The following ZMAT5 variants were observed in gnomAD, a reference collection of about 807,000 sequenced individuals.
ZMAT5 encodes the protein zinc finger matrin-type protein 5.
A neutral mutation model predicts 28.0 loss-of-function variants in ZMAT5; 23 were observed. The observed-to-expected ratio is 0.82, with a 90% confidence interval of 0.59 to 1.16. ZMAT5 has a LOEUF of 1.16. Ranked by LOEUF, ZMAT5 falls within the 50% of genes most tolerant of loss-of-function variation. The probability of loss-of-function intolerance (pLI) is 0.00; values close to 1 mark genes in which losing one functional copy is unlikely to be tolerated. For synonymous variants in ZMAT5, 76 were observed against 84.1 expected (o/e 0.90, Z 0.52); for missense variants, 173 against 212.7 (o/e 0.81, Z 1.16).
intron 1 of ZMAT5, among the ~76,000 whole-genome samples, chr22:29,757,232 G>A (rs1601729101): frequency 2.8e-5 from 4 of 140,364 alleles, no homozygotes; most frequent in Admixed American, 7.1e-5. Flanking sequence ...AAAAAAAAAA[G>A]GACTTCACAG....
intron 1 of ZMAT5, among the ~76,000 whole-genome samples, chr22:29,764,306 T>A (rs1401494217): frequency 6.6e-6 from 1 of 152,342 alleles, no homozygotes; most frequent in East Asian, 1.9e-4. Flanking sequence ...AACTTCCTGC[T>A]CTGAGGGGCT....
intron 1 of ZMAT5, among the ~76,000 whole-genome samples, chr22:29,761,600 T>C (rs131284): frequency 0.53 from 79,919 of 151,830 alleles, 21,367 homozygotes; most frequent in East Asian, 0.62. Context: ...CTCAGAACAA[T>C]CCTACTGGGA....
rs1258558688 is a variant in ZMAT5 at position 29,742,425 on chromosome 22, T to G, written c.183A>C (p.Leu61=). 3.7e-6 allele frequency: 6 copies of G among 1,613,190 alleles called. No homozygotes were observed. The highest frequency in any genetic ancestry group is 5.1e-6 in the Non-Finnish European group (6 of 1,179,856). The part of the protein sequence containing the change: ...EQNKRPCRKF[L]LTGQCDFGSN... ...CTGTGCAGAGGACTTTACCTGTCAG[T>G]AGAAACTTCCTGCAGGGCCGCTTGT... Residue 61 remains leucine (L), a synonymous_variant, in exon 3 of 6, where the codon CTA becomes CTC. Transcript: ENST00000344318.
At chr22:29,736,751 G>A (rs1335601833) in intron 5 of ZMAT5, among the ~76,000 whole-genome samples, 3 of 149,662 alleles carry the variant, frequency 2.0e-5, no homozygotes, top group Non-Finnish European at 4.4e-5. Flanking sequence ...AAGGCTGGGC[G>A]CGGTGGCTGA....
chr22:29,731,334 G>C lies in ZMAT5; in HGVS notation c.404C>G (p.Thr135Ser). The change falls in exon 6 of 6, where the codon ACT (threonine) becomes AGT (serine). Residue 135 changes from threonine (T) to serine (S), a missense_variant. Coordinates refer to ENST00000344318, the MANE Select transcript of ZMAT5 (RefSeq NM_001003692.2). ...PSSRAEPIRT[T>S]VFQYPVGWPP... ...CCAGCCCACGGGGTACTGGAAGACA[G>C]TGGTTCTGATGGGTTCAGCCCTAGA... 1 of 1,540,274 alleles carries C rather than the reference G, an allele frequency of 6.5e-7. No homozygotes were observed. Among genetic ancestry groups the C allele is most frequent in the Non-Finnish European group, 8.7e-7 (1 of 1,153,334 alleles).
chr22:29,752,724 T>G (rs977507032), intron 1 of ZMAT5, among the ~76,000 whole-genome samples: 8 of 152,108 alleles, frequency 5.3e-5, no homozygotes, highest in Non-Finnish European at 1.2e-4. Flanking sequence ...TTTTAAAAAA[T>G]GTAAATATTG....
At position 29,745,194 on chromosome 22, in the gene ZMAT5, T is replaced by C. The variant is rs374629841; in HGVS notation, c.128-2714A>G. On this transcript the variant is annotated intron_variant, in intron 2 of 5. Coordinates refer to ENST00000344318, the MANE Select transcript of ZMAT5 (RefSeq NM_001003692.2). ...TGTAGCCAAACGACCTGACCCGTTC[T>C]AGGGGTCGGGGAGGACGTCCCTGAG... Among the ~76,000 whole-genome samples the C allele has an allele frequency of 1.9e-4, 29 of 152,318 alleles. No homozygotes were observed. In the East Asian group the frequency reaches 4.1e-3, roughly 21 times the overall value.
In ZMAT5 at chr22:29,738,305, G is replaced by A. The variant is rs764091810; in HGVS notation, c.383+25C>T. ...GGGTTTTGCCCCCAGGGGGCACAGC[G>A]GGAGGGAACCCTGGGGACCTGTACC... On this transcript the variant is annotated intron_variant, in intron 5 of 5. Transcript: ENST00000344318. The A allele has an allele frequency of 4.6e-5, 73 of 1,598,772 alleles. 1 individual carries two copies. Among genetic ancestry groups the A allele is most frequent in the Admixed American group, 6.7e-5 (4 of 59,938 alleles).
chr22:29,748,330 A>G lies in ZMAT5; in HGVS notation c.127+88T>C. 2.5e-6 allele frequency: 4 copies of G among 1,591,934 alleles called. No individual in the cohort carries two copies. The South Asian group carries it at 3.3e-5, about 13-fold the overall frequency. On this transcript the variant is annotated intron_variant, in intron 2 of 5. Transcript: ENST00000344318. ...TGATCCTCAAAGAGCCCAGACCTAG[A>G]CTGTCACTGACCCACAGGAGTCTTT...
intron 2 of ZMAT5, among the ~76,000 whole-genome samples, 186 bp from the exon 3 acceptor site, chr22:29,742,666 C>G (rs1021877079): frequency 6.6e-6 from 1 of 152,146 alleles, no homozygotes; most frequent in Non-Finnish European, 1.5e-5. Context: ...CAGATGGATC[C>G]GAGCTGCAGG....
At chr22:29,758,006 C>T (rs2068119674) in intron 1 of ZMAT5, among the ~76,000 whole-genome samples, 1 of 151,480 alleles carries the variant, frequency 6.6e-6, no homozygotes, top group African/African-American at 2.4e-5. Context: ...GAGAATGAGA[C>T]TCCATCTCCA....
chr22:29,747,119 G>C (rs773995321), intron 2 of ZMAT5: 2 of 152,162 alleles, frequency 1.3e-5, no homozygotes, highest in Non-Finnish European at 2.9e-5. Context: ...TGGGGTTGGG[G>C]AATCAGTGGT....
intron 1 of ZMAT5, among the ~76,000 whole-genome samples, chr22:29,763,568 C>T (rs2068179835): frequency 6.6e-6 from 1 of 151,936 alleles, no homozygotes; most frequent in African/African-American, 2.4e-5. Context: ...TGCCACTGCA[C>T]TCCAGCCTGG....
At chr22:29,748,143 C>T (rs752040382) in intron 2 of ZMAT5, 39 of 459,138 alleles carry the variant, frequency 8.5e-5, no homozygotes, top group African/African-American at 2.6e-4. Flanking sequence ...CCACCCAGAA[C>T]TGCATGGCTA....
At chr22:29,751,951 GC>G (rs1458647096) in intron 1 of ZMAT5, among the ~76,000 whole-genome samples, 1 of 151,864 alleles carries the variant, frequency 6.6e-6, no homozygotes, top group Non-Finnish European at 1.5e-5. Context: ...GGACAACACA[GC>G]AAGACCCCCA....
Position 29,748,526 on chromosome 22 carries a change from AG to A in ZMAT5, c.18del (p.Cys7ValfsTer19), listed in dbSNP as rs1312401862. 6.2e-7 allele frequency: 1 copy of A among 1,614,208 alleles called. No individual in the cohort carries two copies. Among genetic ancestry groups the A allele is most frequent in the Non-Finnish European group, 8.5e-7 (1 of 1,180,032 alleles). On this transcript the variant is annotated frameshift_variant, in exon 2 of 6. Coordinates refer to ENST00000344318, the MANE Select transcript of ZMAT5 (RefSeq NM_001003692.2). LOFTEE classifies it high-confidence loss of function. Reference sequence around the variant, plus strand: ...TGGAAGGAGCGGTCGCAGTAGTCACAGAAGTATCGCTTCCCCATGGCCACTC... The same window carrying A: ...TGGAAGGAGCGGTCGCAGTAGTCACAAAGTATCGCTTCCCCATGGCCACTC... MGKRY[F>X]CDYCDRSFQD...
At chr22:29,764,178 C>T (rs2068185884) in intron 1 of ZMAT5, among the ~76,000 whole-genome samples, 1 of 152,142 alleles carries the variant, frequency 6.6e-6, no homozygotes, top group South Asian at 2.1e-4. Flanking sequence ...TGAAACAAGC[C>T]ACACCTTTAA....
At chr22:29,738,903 T>C (rs533310675) in intron 4 of ZMAT5, among the ~76,000 whole-genome samples, 26 of 151,822 alleles carry the variant, frequency 1.7e-4, no homozygotes, top group African/African-American at 5.6e-4. Flanking sequence ...CCCAGCTACT[T>C]GGGAGACTGA....
chr22:29,757,462 G>A (rs1026643173), intron 1 of ZMAT5, among the ~76,000 whole-genome samples: 5 of 152,158 alleles, frequency 3.3e-5, no homozygotes, highest in African/African-American at 4.8e-5. Flanking sequence ...GCTTCATCTG[G>A]AAGACGAGGG....
Sources: allele counts gnomAD v4.1 joint callset (sites outside exome capture counted in the v4.1 genomes callset), GRCh38; gene constraint gnomAD v4.1.1; transcripts MANE v1.5; gene names NCBI Gene and HGNC (gene_info 2026-07-23, HGNC 2026-07-21).